Variants in SMIM35 observed in about 807,000 individuals in gnomAD.
The protein encoded by SMIM35 is TMPRSS4 antisense RNA 1 (non-protein coding).
At chr11:118,026,695 G>A (rs2058276501) in intron 1 of SMIM35, among the ~76,000 whole-genome samples, 1 of 152,150 alleles carries the variant, frequency 6.6e-6, no homozygotes, top group South Asian at 2.1e-4. Context: ...GGCTGGGCGT[G>A]GTGGCTCATG....
intron 1 of SMIM35, among the ~76,000 whole-genome samples, chr11:118,050,973 A>G (rs1300767966): frequency 6.6e-6 from 1 of 152,192 alleles, no homozygotes; most frequent in African/African-American, 2.4e-5. Context: ...GCTTTGATTC[A>G]TTCCATTCCC....
intron 1 of SMIM35, among the ~76,000 whole-genome samples, chr11:118,022,843 A>G (rs1355407744): frequency 6.6e-6 from 1 of 152,012 alleles, no homozygotes; most frequent in Non-Finnish European, 1.5e-5. Flanking sequence ...CTCGTAATTC[A>G]CAGGGTATTG....
intron 1 of SMIM35, among the ~76,000 whole-genome samples, chr11:118,030,258 C>T (rs1435523652): frequency 2.6e-5 from 4 of 151,988 alleles, no homozygotes; most frequent in East Asian, 3.9e-4. Flanking sequence ...TGGTTTTGAA[C>T]CCCTGACCTC....
At chr11:118,023,724 G>GA (rs57380438) in intron 1 of SMIM35, among the ~76,000 whole-genome samples, 14,526 of 151,680 alleles carry the variant, frequency 0.096, 972 homozygotes, top group East Asian at 0.37. Flanking sequence ...ACATAGAGGG[G>GA]AAAAAAAGTA....
At chr11:118,056,633 G>A (rs1333328677) in intron 1 of SMIM35, among the ~76,000 whole-genome samples, 1 of 152,172 alleles carries the variant, frequency 6.6e-6, no homozygotes, top group African/African-American at 2.4e-5. Flanking sequence ...CGCAGAAGGG[G>A]ATGAAATCCC....
At chr11:118,011,586 G>C (rs1371381634) in intron 4 of SMIM35, among the ~76,000 whole-genome samples, 1 of 152,164 alleles carries the variant, frequency 6.6e-6, no homozygotes, top group African/African-American at 2.4e-5. Context: ...CAGCTACTTG[G>C]GAGGCTGAGG....
At chr11:118,013,391 T>A (rs1349218110) in intron 4 of SMIM35, among the ~76,000 whole-genome samples, 1 of 152,136 alleles carries the variant, frequency 6.6e-6, no homozygotes, top group African/African-American at 2.4e-5. Flanking sequence ...AGAACTGAAG[T>A]GCTAGAGTGA....
chr11:118,047,563 C>T (rs552259754), intron 1 of SMIM35, among the ~76,000 whole-genome samples: 110 of 152,292 alleles, frequency 7.2e-4, no homozygotes, highest in African/African-American at 2.4e-3. Context: ...CACCCACAGC[C>T]GGCCACAGCC....
intron 1 of SMIM35, among the ~76,000 whole-genome samples, chr11:118,046,856 T>C (rs1271691640): frequency 6.6e-6 from 1 of 152,170 alleles, no homozygotes. Context: ...CCAAAGTAAT[T>C]AGTTCTGGTT....
chr11:118,058,153 C>G (rs904664766), intron 1 of SMIM35, among the ~76,000 whole-genome samples: 4 of 152,140 alleles, frequency 2.6e-5, no homozygotes, highest in Non-Finnish European at 5.9e-5. Flanking sequence ...CTCAGGTCCC[C>G]GTGGCCTGGG....
chr11:118,021,526 A>G (rs1028908221), intron 1 of SMIM35, among the ~76,000 whole-genome samples: 1 of 152,050 alleles, frequency 6.6e-6, no homozygotes, highest in Non-Finnish European at 1.5e-5. Flanking sequence ...TCTTTCCTAT[A>G]GTTTTTATTC....
intron 4 of SMIM35, among the ~76,000 whole-genome samples, chr11:118,009,447 A>G (rs888863100): frequency 1.3e-5 from 2 of 152,190 alleles, no homozygotes; most frequent in African/African-American, 4.8e-5. Context: ...TCTGCCCTGC[A>G]CTGATATGTG....
intron 1 of SMIM35, among the ~76,000 whole-genome samples, chr11:118,049,910 A>G (rs1944182201): frequency 6.6e-6 from 1 of 151,966 alleles, no homozygotes; most frequent in Non-Finnish European, 1.5e-5. Flanking sequence ...GAGGATAGTC[A>G]GGGAGGTGTT....
At chr11:118,085,806 G>A (rs755199076) in intron 1 of SMIM35, among the ~76,000 whole-genome samples, 2 of 152,182 alleles carry the variant, frequency 1.3e-5, no homozygotes, top group Non-Finnish European at 2.9e-5. Flanking sequence ...CCTCAGGTGT[G>A]CAAAGATGGT....
At chr11:118,050,826 C>A (rs1944201363) in intron 1 of SMIM35, among the ~76,000 whole-genome samples, 1 of 152,224 alleles carries the variant, frequency 6.6e-6, no homozygotes. Context: ...GTCACCTCTG[C>A]CACAGGGATG....
At chr11:118,083,995 G>T (rs943157712) in intron 1 of SMIM35, among the ~76,000 whole-genome samples, 2 of 152,038 alleles carry the variant, frequency 1.3e-5, no homozygotes, top group Admixed American at 1.3e-4. Context: ...CCGAGACAGC[G>T]CCACTGCACT....
At chr11:118,072,308 G>A (rs1416170193) in intron 1 of SMIM35, among the ~76,000 whole-genome samples, 1 of 152,084 alleles carries the variant, frequency 6.6e-6, no homozygotes, top group Non-Finnish European at 1.5e-5. Flanking sequence ...TGGCCAACAC[G>A]GCAAAACCCG....
chr11:118,034,101 C>G (rs1396587650), intron 1 of SMIM35, among the ~76,000 whole-genome samples: 2 of 151,242 alleles, frequency 1.3e-5, no homozygotes, highest in Admixed American at 6.6e-5. Flanking sequence ...AACCCCATCT[C>G]TCCTAAAAAT....
At position 118,056,514 on chromosome 11, in the gene SMIM35, C is replaced by G. The variant is rs540167086; in HGVS notation, c.7+30237G>C. Among the ~76,000 whole-genome samples, 6 of 152,212 alleles carry G rather than the reference C, an allele frequency of 3.9e-5. No individual in the cohort carries two copies. The South Asian group carries it at 8.3e-4, about 21-fold the overall frequency. On this transcript the variant is annotated intron_variant, in intron 1 of 4. Transcript: ENST00000689828. ...AGCTCAAGGTACCTGCCAGACCCCA[C>G]GAGGAGATGTCCATGGGGCAATAGA...
Sources: allele counts gnomAD v4.1 joint callset (sites outside exome capture counted in the v4.1 genomes callset), GRCh38; gene constraint gnomAD v4.1.1; transcripts MANE v1.5; gene names NCBI Gene and HGNC (gene_info 2026-07-23, HGNC 2026-07-21).